Variants in ANXA7 observed in about 807,000 individuals in gnomAD.
ANXA7 encodes the protein annexin A7, also known as annexin VII.
ANXA7 carries 55 observed loss-of-function variants against 64.9 expected under a neutral mutation model. The observed-to-expected ratio is 0.85, with a 90% CI of 0.68 to 1.06. The LOEUF is 1.06. Among genes scored for constraint, ANXA7 ranks in the 50% least tolerant of loss-of-function variants. The pLI is 0.00. For missense variants in ANXA7, 548 were observed against 582.1 expected, an observed-to-expected ratio of 0.94 and a Z score of 0.60; for synonymous variants, 200 against 192.4, an observed-to-expected ratio of 1.04 and a Z score of -0.33.
rs373604505 is a variant in ANXA7 at position 73,392,728 on chromosome 10, A to G, written c.435+3791T>C. On this transcript the variant is annotated intron_variant, in intron 5 of 12. Coordinates refer to ENST00000372921, the MANE Select transcript of ANXA7 (RefSeq NM_001156.5). ...AAAATAATAAGAGCTATTTATGACA[A>G]ATCCACAGCCAATATCATACTGAAT... Among the ~76,000 whole-genome samples, 1,504 of 152,238 alleles carry G rather than the reference A, an allele frequency of 9.9e-3. 24 individuals carry two copies. Among genetic ancestry groups the G allele is most frequent in the African/African-American group, 0.033 (1,369 of 41,520 alleles).
At chr10:73,390,751 T>C (rs1038758234) in intron 5 of ANXA7, among the ~76,000 whole-genome samples, 1 of 137,210 alleles carries the variant, frequency 7.3e-6, no homozygotes, top group Non-Finnish European at 1.5e-5. Context: ...CACACATATA[T>C]ATATATTGAT....
intron 1 of ANXA7, among the ~76,000 whole-genome samples, chr10:73,410,215 A>G (rs577236228): frequency 6.6e-6 from 1 of 152,310 alleles, no homozygotes; most frequent in African/African-American, 2.4e-5. Context: ...CAGAGTAAAC[A>G]GACCACCCAC....
intron 1 of ANXA7, among the ~76,000 whole-genome samples, chr10:73,404,167 A>G (rs2055716262): frequency 6.6e-6 from 1 of 152,228 alleles, no homozygotes; most frequent in Non-Finnish European, 1.5e-5. Context: ...TGATGGAAAA[A>G]GAAAGTAGGG....
At chr10:73,402,440 G>A (rs891568812) in intron 1 of ANXA7, among the ~76,000 whole-genome samples, 4 of 151,972 alleles carry the variant, frequency 2.6e-5, no homozygotes, top group African/African-American at 7.2e-5. Flanking sequence ...GGGCTCAAGC[G>A]ATCTGCCTGC....
At chr10:73,391,482 C>T (rs1197373019) in intron 5 of ANXA7, among the ~76,000 whole-genome samples, 1 of 151,572 alleles carries the variant, frequency 6.6e-6, no homozygotes, top group Non-Finnish European at 1.5e-5. Flanking sequence ...CATGCTGGTG[C>T]ACAACTATAG....
intron 7 of ANXA7, among the ~76,000 whole-genome samples, chr10:73,387,158 C>T (rs571074087): frequency 1.3e-5 from 2 of 152,306 alleles, no homozygotes; most frequent in East Asian, 3.9e-4. Flanking sequence ...ATGTCTATCA[C>T]ATATGTGACT....
rs746645508 is a variant in ANXA7 at position 73,383,349 on chromosome 10, C to T, written c.748-4G>A. The T allele has an allele frequency of 6.2e-6, 10 of 1,603,282 alleles. No homozygotes were observed. Among genetic ancestry groups the T allele is most frequent in the Non-Finnish European group, 8.5e-6 (10 of 1,174,552 alleles). On this transcript the variant is annotated splice_polypyrimidine_tract_variant and splice_region_variant and intron_variant, in intron 8 of 12. Coordinates refer to ENST00000372921, the MANE Select transcript of ANXA7 (RefSeq NM_001156.5). The stretch of plus-strand genomic sequence containing the variant: ...CACGTTCCTGAGTTCCTGCTCCCTA[C>T]ATGAAATGAAGGGAAGATTATACAA...
At chr10:73,401,267 C>CACACAA (rs1554818178) in intron 1 of ANXA7, among the ~76,000 whole-genome samples, 1 of 147,490 alleles carries the variant, frequency 6.8e-6, no homozygotes, top group African/African-American at 2.7e-5. Flanking sequence ...ATACACAACA[C>CACACAA]ACACACACAC....
intron 1 of ANXA7, among the ~76,000 whole-genome samples, chr10:73,412,548 T>G (rs1317930806): frequency 6.7e-6 from 1 of 149,108 alleles, no homozygotes; most frequent in Non-Finnish European, 1.5e-5. Flanking sequence ...CAGGCTGGAG[T>G]GCAGTGGCGA....
chr10:73,383,683 A>G lies in ANXA7; in HGVS notation c.641T>C (p.Ile214Thr). The G allele has an allele frequency of 6.3e-7, 1 of 1,599,892 alleles. No individual in the cohort carries two copies. ...AFKTSYGKDLIKDLKSELSGN... is the reference protein window; with the variant it reads ...AFKTSYGKDLTKDLKSELSGN... ...ACTTAACTCTGATTTGAGATCTTTG[A>G]TTAAATCCTATTTAATCACAAATAC... The change falls in exon 8 of 13, where the codon ATC (isoleucine) becomes ACC (threonine). Residue 214 changes from isoleucine to threonine, a missense_variant. Coordinates refer to ENST00000372921, the MANE Select transcript of ANXA7 (RefSeq NM_001156.5).
At chr10:73,382,137 G>C (rs1230573229) in intron 9 of ANXA7, among the ~76,000 whole-genome samples, 1 of 152,032 alleles carries the variant, frequency 6.6e-6, no homozygotes, top group Non-Finnish European at 1.5e-5. Context: ...GCCTCCCAAA[G>C]TACTGGGATT....
At chr10:73,396,785 T>C (rs904840985) in intron 4 of ANXA7, among the ~76,000 whole-genome samples, 3 of 152,216 alleles carry the variant, frequency 2.0e-5, no homozygotes, top group Admixed American at 2.0e-4. Context: ...TTCCATGTTC[T>C]ACATAAGATC....
chr10:73,389,879 C>A (rs1461029746), intron 5 of ANXA7, among the ~76,000 whole-genome samples: 1 of 152,142 alleles, frequency 6.6e-6, no homozygotes, highest in Non-Finnish European at 1.5e-5. Flanking sequence ...CCTGCCTTGG[C>A]CTCCCAAAGT....
intron 1 of ANXA7, among the ~76,000 whole-genome samples, chr10:73,406,559 C>T (rs2055761134): frequency 6.6e-6 from 1 of 152,022 alleles, no homozygotes; most frequent in African/African-American, 2.4e-5. Context: ...AGTACTGGCT[C>T]CAATTATTAT....
At chr10:73,383,770 A>C in intron 7 of ANXA7, 80 bp from the exon 8 acceptor site, 1 of 923,678 alleles carries the variant, frequency 1.1e-6, no homozygotes, top group East Asian at 2.6e-5. Context: ...AATACAAAAA[A>C]AGAAATGGAA....
chr10:73,400,798 C>G lies in ANXA7; in HGVS notation c.54+5G>C, dbSNP rs767847147. ...GGATGTGAGGTATTAAGTGGCAATA[C>G]TTACAGGATATCCAGGGAAAGGTGG... On this transcript the variant is annotated splice_donor_5th_base_variant and intron_variant, in intron 2 of 12. Transcript: ENST00000372921. The G allele has an allele frequency of 6.2e-7, 1 of 1,603,208 alleles. No homozygotes were observed. Among genetic ancestry groups the G allele is most frequent in the Non-Finnish European group, 8.5e-7 (1 of 1,173,846 alleles).
rs1197579945 is a variant in ANXA7 at position 73,383,331 on chromosome 10, C to T, written c.762G>A (p.Gln254=). Residue 254 remains glutamine (Q), a synonymous_variant, in exon 9 of 13, where the codon CAG becomes CAA. Coordinates refer to ENST00000372921, the MANE Select transcript of ANXA7 (RefSeq NM_001156.5). ...LRKAMQGAGT[Q]ERVLIEILCT... Reference sequence around the variant, plus strand: ...ACAAAATCTCAATCAATACACGTTCCTGAGTTCCTGCTCCCTACATGAAAT... The same window carrying T: ...ACAAAATCTCAATCAATACACGTTCTTGAGTTCCTGCTCCCTACATGAAAT... 1.9e-6 allele frequency: 3 copies of T among 1,612,972 alleles called. No individual in the cohort carries two copies. The highest frequency in any genetic ancestry group is 8.5e-7 in the Non-Finnish European group (1 of 1,179,358).
intron 5 of ANXA7, among the ~76,000 whole-genome samples, chr10:73,392,786 T>C (rs1367730956): frequency 1.3e-5 from 2 of 152,086 alleles, no homozygotes; most frequent in African/African-American, 2.4e-5. Context: ...CTTTGAAAAC[T>C]GGCACAAGAC....
chr10:73,405,647 T>C (rs1342403325), intron 1 of ANXA7, among the ~76,000 whole-genome samples: 1 of 152,186 alleles, frequency 6.6e-6, no homozygotes, highest in African/African-American at 2.4e-5. Flanking sequence ...CAAGAAAACA[T>C]TGCTACAAGT....
Sources: gnomAD v4.1 joint callset for allele counts (sites outside exome capture counted in the v4.1 genomes callset) on GRCh38, gnomAD v4.1.1 for gene constraint, MANE v1.5 for transcripts, NCBI Gene and HGNC (gene_info 2026-07-23, HGNC 2026-07-21) for gene names.